Variants in INTS7 observed in about 807,000 individuals in gnomAD.
The protein encoded by INTS7 is chromosome 1 open reading frame 73.
INTS7 carries 46 observed loss-of-function variants against 109.2 expected under a neutral mutation model. That is an observed-to-expected ratio of 0.42 (90% CI 0.33 to 0.54). The LOEUF (loss-of-function observed/expected upper bound fraction) is 0.54, where lower values mean the gene tolerates loss of function less well. INTS7 is among the 20% of genes least tolerant of loss of function. INTS7 has a pLI of 0.07. For missense variants in INTS7, 929 were observed against 1,132.4 expected, an observed-to-expected ratio of 0.82 and a Z score of 2.58; for synonymous variants, 412 against 402.9, an observed-to-expected ratio of 1.02 and a Z score of -0.27.
Position 211,975,178 on chromosome 1 carries a change from A to C in INTS7, c.1803T>G (p.Ile601Met). ...AESLKFYHKG[I>M]ASLTAASTPL... ...TAAGAGGACTTACTGTTAAGGAAGC[A>C]ATCCCTTTGTGATAGAATTTTAAAG... The change falls in exon 13 of 20, where the codon ATT becomes ATG. Residue 601 changes from isoleucine (I) to methionine (M), a missense_variant. Physicochemically the swap from Ile to Met is conservative, Grantham distance 10. Transcript: ENST00000366994. 6.2e-7 allele frequency: 1 copy of C among 1,610,160 alleles called. No individual in the cohort carries two copies. Among genetic ancestry groups the C allele is most frequent in the East Asian group, 2.2e-5 (1 of 44,858 alleles).
At chr1:211,994,794 AC>A (rs1163140914) in intron 7 of INTS7, among the ~76,000 whole-genome samples, 2 of 151,862 alleles carry the variant, frequency 1.3e-5, no homozygotes, top group East Asian at 1.9e-4. Context: ...TAAAAAAAAA[AC>A]AAAACAAAAC....
rs1382759903 is a variant in INTS7 at position 212,006,706 on chromosome 1, A to C, written c.812T>G (p.Leu271Arg). The C allele has an allele frequency of 6.2e-7, 1 of 1,602,102 alleles. No homozygotes were observed. The highest frequency in any genetic ancestry group is 1.7e-5 in the Admixed American group (1 of 59,628). ...KNDPRKAVKRLAIQDLKLLAN... is the reference protein window; with the variant it reads ...KNDPRKAVKRRAIQDLKLLAN... Reference sequence around the variant, plus strand: ...AAGTAATTTCAGATCTTGAATAGCAAGTCTCTTTACTGCCTTCCTGGGATC... The same window carrying C: ...AAGTAATTTCAGATCTTGAATAGCACGTCTCTTTACTGCCTTCCTGGGATC... The change falls in exon 7 of 20, where the codon CTT (leucine) becomes CGT (arginine). Residue 271 changes from leucine to arginine, a missense_variant. Transcript: ENST00000366994.
At chr1:212,009,190 C>A (rs1666060046) in intron 5 of INTS7, among the ~76,000 whole-genome samples, 1 of 152,196 alleles carries the variant, frequency 6.6e-6, no homozygotes. Flanking sequence ...TTTTCCTCCA[C>A]CCACACTCCT....
Position 211,976,656 on chromosome 1 carries a change from C to G in INTS7, c.1534G>C (p.Val512Leu). 6.2e-7 allele frequency: 1 copy of G among 1,613,804 alleles called. No individual in the cohort carries two copies. Among genetic ancestry groups the G allele is most frequent in the Non-Finnish European group, 8.5e-7 (1 of 1,179,694 alleles). Residue 512 changes from valine to leucine, a missense_variant, in exon 12 of 20, where the codon GTA becomes CTA. Physicochemically the swap from Val to Leu is conservative, Grantham distance 32 (BLOSUM62 1). Around this residue, in one of 2 missense-constraint regions of INTS7, gnomAD observed 787 missense variants for 901.1 expected, o/e 0.87. Coordinates refer to ENST00000366994, the MANE Select transcript of INTS7 (RefSeq NM_015434.4). ...QKALSVESKA[V>L]IKQQLESVSN... is the part of the protein sequence containing the mutation. Reference sequence around the variant, plus strand: ...ACACTTTCAAGCTGCTGCTTAATTACTGCCTTACTTTCCACAGACAATGCC... The same window carrying G: ...ACACTTTCAAGCTGCTGCTTAATTAGTGCCTTACTTTCCACAGACAATGCC...
intron 7 of INTS7, among the ~76,000 whole-genome samples, chr1:211,992,588 T>C (rs1665192782): frequency 6.6e-6 from 1 of 152,068 alleles, no homozygotes; most frequent in Non-Finnish European, 1.5e-5. Context: ...GAGGCTGAGA[T>C]GGGAGAATCA....
chr1:211,944,665 C>T lies in INTS7; in HGVS notation c.2601+119G>A, dbSNP rs115689826. The T allele has an allele frequency of 3.1e-3, 2,418 of 777,476 alleles. 39 individuals carry two copies. In the African/African-American group the frequency reaches 0.037, roughly 12 times the overall value. The allele number at this position is 777,476 out of a possible 1,614,324, so 48.2% of individuals were successfully genotyped here. A position where few individuals can be genotyped will look rare whatever the true frequency, so the allele number is the denominator to read the frequency against. ...CCCAATGTGGGCTTTTAATTTATGT[C>T]CATCTGATCCCTTTGGAGGTATAAC... On this transcript the variant is annotated intron_variant, in intron 19 of 19. Coordinates refer to ENST00000366994, the MANE Select transcript of INTS7 (RefSeq NM_015434.4).
intron 19 of INTS7, 39 bp downstream of exon 19, chr1:211,944,745 T>C (rs758032449): frequency 2.6e-6 from 4 of 1,539,850 alleles, no homozygotes; most frequent in Non-Finnish European, 2.7e-6. Context: ...TGAGCTCATA[T>C]AAAACCTGTA....
In INTS7 at chr1:211,967,942, G is replaced by C. The variant is rs147974722; in HGVS notation, c.2050C>G (p.Arg684Gly). The change falls in exon 15 of 20, where the codon CGA becomes GGA. Residue 684 changes from arginine to glycine, a missense_variant. Arg to Gly is a moderately radical substitution (Grantham distance 125). Around this residue, in one of 2 missense-constraint regions of INTS7, gnomAD observed 787 missense variants for 901.1 expected, o/e 0.87. Coordinates refer to ENST00000366994, the MANE Select transcript of INTS7 (RefSeq NM_015434.4). The part of the protein sequence containing the change: ...SMEEFRSLAS[R>G]YGDLYQASFD... ...GATGCCTGGTAAAGATCTCCATATC[G>C]AGAAGCAAGGCTTCGAAATTCTTCC... 16 of 1,606,804 alleles carry C rather than the reference G, an allele frequency of 1.0e-5. No individual in the cohort carries two copies. Among genetic ancestry groups the C allele is most frequent in the African/African-American group, 9.4e-5 (7 of 74,512 alleles).
At chr1:211,997,382 A>C (rs1370648963) in intron 7 of INTS7, among the ~76,000 whole-genome samples, 1 of 151,844 alleles carries the variant, frequency 6.6e-6, no homozygotes, top group African/African-American at 2.4e-5. Context: ...CCAGCAATAC[A>C]AAAATTAGAC....
At chr1:212,021,006 A>G in intron 2 of INTS7, 77 bp downstream of exon 2, 2 of 1,388,600 alleles carry the variant, frequency 1.4e-6, no homozygotes, top group Non-Finnish European at 2.0e-6. Context: ...CTAAAAGGCA[A>G]AAAGAAAAAG....
chr1:211,997,301 T>C (rs1665443313), intron 7 of INTS7, among the ~76,000 whole-genome samples: 1 of 151,640 alleles, frequency 6.6e-6, no homozygotes, highest in Non-Finnish European at 1.5e-5. Context: ...TCCTAGCACT[T>C]TGAGAGGCTG....
intron 16 of INTS7, 54 bp downstream of exon 16, chr1:211,966,376 G>C: frequency 1.0e-6 from 1 of 982,642 alleles, no homozygotes; most frequent in Non-Finnish European, 1.6e-6. Flanking sequence ...GATTAGGTAA[G>C]ACAATGTATA....
chr1:211,942,555 G>A lies in INTS7; in HGVS notation c.2602-444C>T, dbSNP rs1352070924. Among the ~76,000 whole-genome samples, 1 of 152,156 alleles carries A rather than the reference G, an allele frequency of 6.6e-6. No homozygotes were observed. The highest frequency in any genetic ancestry group is 1.9e-4 in the East Asian group (1 of 5,206). Reference sequence around the variant, plus strand: ...GTTCCAGAGAGTTTAAAACCTAAGAGACTGAAAAAGAACAAAACACTAAGC... The same window carrying A: ...GTTCCAGAGAGTTTAAAACCTAAGAAACTGAAAAAGAACAAAACACTAAGC... On this transcript the variant is annotated intron_variant, in intron 19 of 19. Transcript: ENST00000366994. The surrounding 1 kb of genome is among the most constrained non-coding windows in gnomAD (Gnocchi z 4.2).
At chr1:211,972,810 A>G (rs1664241552) in intron 13 of INTS7, among the ~76,000 whole-genome samples, 1 of 152,196 alleles carries the variant, frequency 6.6e-6, no homozygotes. Flanking sequence ...AGGTGCAAGG[A>G]AATACATTCT....
intron 8 of INTS7, 82 bp downstream of exon 8, chr1:211,987,804 T>A (rs1474441356): frequency 8.0e-6 from 6 of 748,446 alleles, no homozygotes; most frequent in Non-Finnish European, 1.3e-5. Flanking sequence ...GTTAAAGCTT[T>A]ATAGAAGAAA....
At chr1:212,007,535 A>C (rs775766670) in intron 5 of INTS7, 86 bp from the exon 6 acceptor site, 12 of 994,062 alleles carry the variant, frequency 1.2e-5, no homozygotes, top group Non-Finnish European at 1.9e-5. Context: ...CATTTAGCAA[A>C]ATTGCACTTG....
chr1:212,006,048 G>T (rs1390275361), intron 7 of INTS7, among the ~76,000 whole-genome samples: 2 of 152,046 alleles, frequency 1.3e-5, no homozygotes, highest in Admixed American at 6.6e-5. Context: ...TTGCAAAATG[G>T]TGTTATTTCT....
intron 8 of INTS7, among the ~76,000 whole-genome samples, 170 bp downstream of exon 8, chr1:211,987,716 T>C (rs557161577): frequency 6.6e-6 from 1 of 152,338 alleles, no homozygotes; most frequent in African/African-American, 2.4e-5. Flanking sequence ...GAGATGTTGT[T>C]ATCATAGGCA....
intron 7 of INTS7, among the ~76,000 whole-genome samples, chr1:211,996,058 A>G (rs1182943872): frequency 6.6e-6 from 1 of 152,240 alleles, no homozygotes; most frequent in East Asian, 1.9e-4. Context: ...CAAGAGAAAA[A>G]AACTAATTTA....
Sources: allele counts gnomAD v4.1 joint callset (sites outside exome capture counted in the v4.1 genomes callset), GRCh38; gene constraint gnomAD v4.1.1; regional missense constraint gnomAD v4.1.1; non-coding constraint Gnocchi (gnomAD v3.1); transcripts MANE v1.5; gene names NCBI Gene and HGNC (gene_info 2026-07-23, HGNC 2026-07-21).